MYH7: variants seen among roughly 807,000 people sequenced by gnomAD.
MYH7 encodes the protein myosin heavy chain 7.
Under a neutral mutation model 225.4 loss-of-function variants are expected in MYH7, and 129 were observed. The ratio of observed to expected loss-of-function variants is 0.57; its 90% confidence interval spans 0.50 to 0.66. The LOEUF (loss-of-function observed/expected upper bound fraction) is 0.66, where lower values mean the gene tolerates loss of function less well. Ranked by LOEUF, MYH7 falls within the 30% of genes least tolerant of loss-of-function variation. The pLI is 0.00. For missense variants in MYH7, 1,649 were observed against 2,517.0 expected (o/e 0.66, Z 7.38); for synonymous variants, 971 against 1,007.6 (o/e 0.96, Z 0.69).
rs765801393 is a variant in MYH7, at chr14:23,418,362, G to A, written c.4017C>T (p.Asp1339=). Residue 1339 remains aspartate, a synonymous_variant, in exon 30 of 40, where the codon GAC becomes GAT. Coordinates refer to ENST00000355349, the MANE Select transcript of MYH7 (RefSeq NM_000257.4). ...LAHALQSARH[D]CDLLREQYEE... ...CGTACTGCTCCCGCAGCAGGTCGCAGTCATGCCGGGCCGACTGCAGTGCGT... is the reference window on the plus strand; with the variant it reads ...CGTACTGCTCCCGCAGCAGGTCGCAATCATGCCGGGCCGACTGCAGTGCGT... The A allele has an allele frequency of 6.2e-6, 10 of 1,613,718 alleles. No homozygotes were observed. Among genetic ancestry groups the A allele is most frequent in the Non-Finnish European group, 2.5e-6 (3 of 1,179,806 alleles).
Position 23,423,960 on chromosome 14 carries a change from G to A in MYH7, c.2869C>T (p.Leu957=). 2.5e-6 allele frequency: 4 copies of A among 1,614,192 alleles called. No homozygotes were observed. The highest frequency in any genetic ancestry group is 3.4e-6 in the Non-Finnish European group (4 of 1,180,032). Residue 957 remains leucine, a synonymous_variant, in exon 23 of 40, where the codon CTG becomes TTG. Coordinates refer to ENST00000355349, the MANE Select transcript of MYH7 (RefSeq NM_000257.4). ...CSELKRDIDD[L]ELTLAKVEKE... ...TCCACTTTGGCCAGTGTCAGCTCCAGATCATCGATGTCCCTTTTGAGCTCT... is the reference window on the plus strand; with the variant it reads ...TCCACTTTGGCCAGTGTCAGCTCCAAATCATCGATGTCCCTTTTGAGCTCT...
intron 11 of MYH7, among the ~76,000 whole-genome samples, chr14:23,430,356 T>C (rs1892877274): frequency 6.6e-6 from 1 of 152,176 alleles, no homozygotes; most frequent in South Asian, 2.1e-4. Context: ...CTCTTCCTGG[T>C]TTGATAGAAC....
Position 23,433,047 on chromosome 14 carries a change from A to G in MYH7, c.345+37T>C, listed in dbSNP as rs747537612. The stretch of plus-strand genomic sequence containing the variant: ...TGGGGTGGACATGGATGGAGCAAGA[A>G]CAGAGATCCCAACGTAGGGCCAGGT... On this transcript the variant is annotated intron_variant, in intron 4 of 39. Coordinates refer to ENST00000355349, the MANE Select transcript of MYH7 (RefSeq NM_000257.4). This position sits in a 1 kb window ranked among gnomAD's most constrained non-coding sequence, Gnocchi z 4.1. The G allele has an allele frequency of 6.2e-7, 1 of 1,614,038 alleles. No homozygotes were observed. The highest frequency in any genetic ancestry group is 8.5e-7 in the Non-Finnish European group (1 of 1,179,974).
chr14:23,425,534 G>A lies in MYH7; in HGVS notation c.2287-116C>T, dbSNP rs1217564577. 1 of 1,582,674 alleles carries A rather than the reference G, an allele frequency of 6.3e-7. No homozygotes were observed. The highest frequency in any genetic ancestry group is 8.6e-7 in the Non-Finnish European group (1 of 1,161,072). ...AAAGGATTGCAGGGAGGAGGTCAAT[G>A]GCAGCTGGAGCTGGGATGAGGGGAG... On this transcript the variant is annotated intron_variant, in intron 20 of 39. Coordinates refer to ENST00000355349, the MANE Select transcript of MYH7 (RefSeq NM_000257.4). The surrounding 1 kb of genome is among the most constrained non-coding windows in gnomAD (Gnocchi z 4.6).
chr14:23,412,856 ACTC>A lies in MYH7; in HGVS notation c.5803_5805del (p.Glu1935del). ...GAGCAGATCAAGATGTGGCAAAGCTACTCCTCATTCAAGCCCTTTTGAAAGGAA... is the reference window on the plus strand; with the variant it reads ...GAGCAGATCAAGATGTGGCAAAGCTACTCATTCAAGCCCTTTTGAAAGGAA... On this transcript the variant is annotated inframe_deletion, in exon 40 of 40. Transcript: ENST00000355349. The A allele has an allele frequency of 6.2e-7, 1 of 1,613,916 alleles. No homozygotes were observed. The highest frequency in any genetic ancestry group is 8.5e-7 in the Non-Finnish European group (1 of 1,179,952).
chr14:23,413,016 G>A (rs1029227554), intron 39 of MYH7, 145 bp from the exon 40 acceptor site: 1 of 824,818 alleles, frequency 1.2e-6, no homozygotes, highest in African/African-American at 1.7e-5. Context: ...CAGCACATGT[G>A]TTTCCAGGGA....
chr14:23,433,442 T>A lies in MYH7; in HGVS notation c.201+90A>T. The A allele has an allele frequency of 6.7e-7, 1 of 1,502,508 alleles. No homozygotes were observed. Among genetic ancestry groups the A allele is most frequent in the South Asian group, 1.1e-5 (1 of 88,140 alleles). 93.1% of individuals were successfully genotyped at this position (1,502,508 alleles called of 1,614,324 possible). A position where few individuals can be genotyped will look rare whatever the true frequency, so the allele number is the denominator to read the frequency against. On this transcript the variant is annotated intron_variant, in intron 3 of 39. Transcript: ENST00000355349. This position sits in a 1 kb window ranked among gnomAD's most constrained non-coding sequence, Gnocchi z 4.1. ...AGGAGAATGGGACCATCCTCAGGTCTGCATGGGCATGGGGCATGGGTGTAC... is the reference window on the plus strand; with the variant it reads ...AGGAGAATGGGACCATCCTCAGGTCAGCATGGGCATGGGGCATGGGTGTAC...
At chr14:23,430,851 G>A in intron 10 of MYH7, 50 bp downstream of exon 10, 1 of 1,440,568 alleles carries the variant, frequency 6.9e-7, no homozygotes, top group South Asian at 1.1e-5. Context: ...AAGCAGAGGG[G>A]ACCAGGTTGC....
Position 23,429,096 on chromosome 14 carries a change from A to G in MYH7, c.1266T>C (p.Tyr422=), listed in dbSNP as rs141519877. 95 of 1,614,116 alleles carry G rather than the reference A, an allele frequency of 5.9e-5. No homozygotes were observed. The highest frequency in any genetic ancestry group is 7.8e-5 in the Non-Finnish European group (92 of 1,180,058). Residue 422 remains tyrosine (Y), a synonymous_variant, in exon 14 of 40, where the codon TAT becomes TAC. Coordinates refer to ENST00000355349, the MANE Select transcript of MYH7 (RefSeq NM_000257.4). The part of the protein sequence containing the change: ...TKGQNVQQVI[Y]ATGALAKAVY... ...CTGCCTTGGCCAGTGCCCCAGTGGCATATATCACCTGCAAGGTGGAGGAGA... is the reference window on the plus strand; with the variant it reads ...CTGCCTTGGCCAGTGCCCCAGTGGCGTATATCACCTGCAAGGTGGAGGAGA...
chr14:23,422,079 A>G, intron 25 of MYH7, 101 bp downstream of exon 25: 3 of 1,560,708 alleles, frequency 1.9e-6, no homozygotes, highest in Non-Finnish European at 2.6e-6. Flanking sequence ...CCACTTGTGG[A>G]GGCTGCGTGA....
In MYH7 at chr14:23,422,196, C is replaced by A. The variant is rs759256990; in HGVS notation, c.3229G>T (p.Asp1077Tyr). Residue 1077 changes from aspartate to tyrosine, a missense_variant, in exon 25 of 40, where the codon GAT becomes TAT. This residue lies in a region of MYH7 where 282 missense variants were observed against 315.3 expected (regional missense o/e 0.89). Coordinates refer to ENST00000355349, the MANE Select transcript of MYH7 (RefSeq NM_000257.4). ...ACACAGTACTTTTTCAGCCGCTCAT[C>A]CAGCTGCTGCTTGTCATTCTCCAGG... ...MDLENDKQQLDERLKKKDFEL... is the reference protein window; with the variant it reads ...MDLENDKQQLYERLKKKDFEL... The A allele has an allele frequency of 6.2e-7, 1 of 1,613,240 alleles. No individual in the cohort carries two copies. The highest frequency in any genetic ancestry group is 1.3e-5 in the African/African-American group (1 of 74,986).
At position 23,419,597 on chromosome 14, in the gene MYH7, T is replaced by C; in HGVS notation, c.3739A>G (p.Lys1247Glu). The C allele has an allele frequency of 6.2e-7, 1 of 1,613,470 alleles. No individual in the cohort carries two copies. The highest frequency in any genetic ancestry group is 8.5e-7 in the Non-Finnish European group (1 of 1,179,922). The change falls in exon 28 of 40, where the codon AAG becomes GAG. Residue 1247 changes from lysine (K) to glutamate (E), a missense_variant. This residue lies in a region of MYH7 where 687 missense variants were observed against 913.8 expected (regional missense o/e 0.75). Transcript: ENST00000355349. ...QIIKAKANLE[K>E]MCRTLEDQMN... ...TGGTCTTCCAAGGTCCGGCACATCT[T>C]CTCCAGGTTAGCCTGAGAAGGGAAG...
Position 23,417,316 on chromosome 14 carries a change from G to C in MYH7, c.4356C>G (p.Ile1452Met), listed in dbSNP as rs1892260368. The stretch of plus-strand genomic sequence containing the variant: ...CATACTTCTGCTTCCACTCGGCCAG[G>C]ATCTGCCCGGGGACAAGGCTCACTC... ...LDKKQRNFDK[I>M]LAEWKQKYEE... The change falls in exon 32 of 40, where the codon ATC becomes ATG. Residue 1452 changes from isoleucine to methionine, a missense_variant and splice_region_variant. By Grantham distance (10) the Ile-to-Met change is conservative (BLOSUM62 1). Coordinates refer to ENST00000355349, the MANE Select transcript of MYH7 (RefSeq NM_000257.4). 2 of 1,613,728 alleles carry C rather than the reference G, an allele frequency of 1.2e-6. No individual in the cohort carries two copies. The highest frequency in any genetic ancestry group is 1.7e-6 in the Non-Finnish European group (2 of 1,180,026).
In MYH7 at chr14:23,416,982, G is replaced by A. The variant is rs755246527; in HGVS notation, c.4530C>T (p.Ser1510=). Residue 1510 remains serine (S), a synonymous_variant, in exon 33 of 40, where the codon TCC becomes TCT. Transcript: ENST00000355349. ...TGGAACCCAACTGCTCAGTCAAGTC[G>A]GAGATCTCCTCTGTGTGGGGAACAC... ...RENKNLQEEI[S]DLTEQLGSSG... 5 of 1,614,090 alleles carry A rather than the reference G, an allele frequency of 3.1e-6. No homozygotes were observed. The highest frequency in any genetic ancestry group is 3.3e-5 in the Admixed American group (2 of 60,006).
chr14:23,421,627 A>T, intron 25 of MYH7: 1 of 473,920 alleles, frequency 2.1e-6, no homozygotes, highest in East Asian at 1.5e-4. Flanking sequence ...CTGAAACACC[A>T]TAAGACCTTC....
intron 14 of MYH7, 136 bp from the exon 15 acceptor site, chr14:23,428,806 C>T: frequency 1.3e-6 from 2 of 1,572,698 alleles, no homozygotes; most frequent in Non-Finnish European, 1.7e-6. Context: ...GGAGGGCTTC[C>T]CCTGAAGACA....
In MYH7 at chr14:23,424,042, C is replaced by G. The variant is rs752659706; in HGVS notation, c.2787G>C (p.Glu929Asp). 3 of 1,614,140 alleles carry G rather than the reference C, an allele frequency of 1.9e-6. No homozygotes were observed. The African/African-American group carries it at 4.0e-5, about 22-fold the overall frequency. Reference protein sequence around the residue: ...VKEMNERLEDEEEMNAELTAK... With the variant: ...VKEMNERLEDDEEMNAELTAK... ...CAGTGAGCTCAGCATTCATCTCCTC[C>G]TCATCCTCCAGCCTCTCGTTCATCT... The change falls in exon 23 of 40, where the codon GAG becomes GAC. Residue 929 changes from glutamate to aspartate, a missense_variant. Coordinates refer to ENST00000355349, the MANE Select transcript of MYH7 (RefSeq NM_000257.4).
In MYH7 at chr14:23,413,748, G is replaced by C. The variant is rs2138634956; in HGVS notation, c.5790+11C>G. On this transcript the variant is annotated intron_variant, in intron 39 of 39. Coordinates refer to ENST00000355349, the MANE Select transcript of MYH7 (RefSeq NM_000257.4). ...TGGGGGTGACTAGCAAAGCCCAAAA[G>C]AGGGACCCACCTTCGTGCCAATGTC... 1.2e-6 allele frequency: 2 copies of C among 1,613,752 alleles called. No individual in the cohort carries two copies. The highest frequency in any genetic ancestry group is 1.7e-6 in the Non-Finnish European group (2 of 1,180,034).
At chr14:23,427,356 G>C in intron 16 of MYH7, 49 bp from the exon 17 acceptor site, 1 of 1,601,366 alleles carries the variant, frequency 6.2e-7, no homozygotes, top group Non-Finnish European at 8.6e-7. Flanking sequence ...GGGAGGTAGG[G>C]TGTGAGTAAA....
Sources: allele counts gnomAD v4.1 joint callset (sites outside exome capture counted in the v4.1 genomes callset), GRCh38; gene constraint gnomAD v4.1.1; regional missense constraint gnomAD v4.1.1; non-coding constraint Gnocchi (gnomAD v3.1); transcripts MANE v1.5; gene names NCBI Gene and HGNC (gene_info 2026-07-23, HGNC 2026-07-21).